The following LMBR1 variants were observed in gnomAD, a reference collection of about 807,000 sequenced individuals.
LMBR1 encodes the protein limb development membrane protein 1, also known as limb region 1 protein homolog.
LMBR1 carries 52 observed loss-of-function variants against 73.9 expected under a neutral mutation model. The observed-to-expected ratio is 0.70, with a 90% confidence interval of 0.56 to 0.89. LMBR1 has a LOEUF of 0.89. Among genes scored for constraint, LMBR1 ranks in the 40% least tolerant of loss-of-function variants. The pLI, the probability that LMBR1 is intolerant of heterozygous loss-of-function variation, is 0.00. For synonymous variants in LMBR1, 215 were observed against 209.4 expected (o/e 1.03, Z -0.23); for missense variants, 539 against 579.8 (o/e 0.93, Z 0.72).
intron 7 of LMBR1, among the ~76,000 whole-genome samples, chr7:156,762,846 A>AGTGTGT (rs35976164): frequency 0.056 from 8,279 of 148,582 alleles, 403 homozygotes; most frequent in East Asian, 0.22. Context: ...TGTGAGTGTG[A>AGTGTGT]GTGTGTGTGT....
chr7:156,815,325 G>A (rs959561742), intron 4 of LMBR1, among the ~76,000 whole-genome samples: 5 of 151,610 alleles, frequency 3.3e-5, no homozygotes, highest in African/African-American at 1.2e-4. Context: ...AATTTAACCA[G>A]CAAAACCTAT....
intron 1 of LMBR1, among the ~76,000 whole-genome samples, chr7:156,864,185 C>T (rs894570444): frequency 6.6e-6 from 1 of 152,012 alleles, no homozygotes; most frequent in Non-Finnish European, 1.5e-5. Context: ...ATAAAAATAG[C>T]TAGTGAAAAG....
intron 5 of LMBR1, among the ~76,000 whole-genome samples, chr7:156,783,547 A>G (rs888282726): frequency 1.3e-5 from 2 of 152,102 alleles, no homozygotes; most frequent in Admixed American, 1.3e-4. Context: ...CATTCGTTAG[A>G]TTTATTTCAA....
intron 10 of LMBR1, among the ~76,000 whole-genome samples, chr7:156,731,246 G>A (rs1343964620): frequency 1.3e-5 from 2 of 152,082 alleles, no homozygotes; most frequent in Non-Finnish European, 2.9e-5. Context: ...GAAGCATGAA[G>A]ATAAAAAGGA....
At position 156,728,707 on chromosome 7, in the gene LMBR1, CT is replaced by C; in HGVS notation, c.851del (p.Lys284ArgfsTer52). ...CCAAATTTCTTTCCCATGCTGAAGCCTTTTTTCGCCTCTCTATTAAAAGGAA... is the reference window on the plus strand; with the variant it reads ...CCAAATTTCTTTCCCATGCTGAAGCCTTTTTCGCCTCTCTATTAAAAGGAA... ...TLKTKLERRKKASAWERNLVY... is the reference protein window; with the variant it reads ...TLKTKLERRKXASAWERNLVY... On this transcript the variant is annotated frameshift_variant, in exon 11 of 17. Coordinates refer to ENST00000353442, the MANE Select transcript of LMBR1 (RefSeq NM_022458.4). LOFTEE classifies it high-confidence loss of function. 3.8e-6 allele frequency: 6 copies of C among 1,599,800 alleles called. No homozygotes were observed. Among genetic ancestry groups the C allele is most frequent in the East Asian group, 2.2e-5 (1 of 44,462 alleles).
Position 156,763,130 on chromosome 7 carries a change from C to A in LMBR1, c.597G>T (p.Leu199Phe). ...YLPYLYSCISLMGCLLLLLCT... is the reference protein window; with the variant it reads ...YLPYLYSCISFMGCLLLLLCT... ...TACAGAGAAGTAACAAACATCCCAT[C>A]AATGATATACAGGAATATAAATAGG... The change falls in exon 7 of 17, where the codon TTG becomes TTT. Residue 199 changes from leucine (L) to phenylalanine (F), a missense_variant. Physicochemically the swap from Leu to Phe is conservative, Grantham distance 22 (BLOSUM62 0). Coordinates refer to ENST00000353442, the MANE Select transcript of LMBR1 (RefSeq NM_022458.4). 1 of 1,404,468 alleles carries A rather than the reference C, an allele frequency of 7.1e-7. No individual in the cohort carries two copies. The highest frequency in any genetic ancestry group is 1.4e-5 in the African/African-American group (1 of 69,258). The allele number at this position is 1,404,468 out of a possible 1,614,324, so 87.0% of individuals were successfully genotyped here. A position where few individuals can be genotyped will look rare whatever the true frequency, so the allele number is the denominator to read the frequency against.
intron 5 of LMBR1, among the ~76,000 whole-genome samples, chr7:156,769,845 G>C (rs7791640): frequency 0.019 from 2,910 of 152,294 alleles, 94 homozygotes; most frequent in African/African-American, 0.066. Context: ...CTGTGGCCCA[G>C]AGGGAGCCAT....
intron 12 of LMBR1, 101 bp downstream of exon 12, chr7:156,727,829 T>C (rs1181668704): frequency 3.0e-5 from 20 of 672,234 alleles, no homozygotes; most frequent in Middle Eastern, 2.9e-4. Flanking sequence ...AGTATATACA[T>C]GCACAAAGGT....
intron 1 of LMBR1, among the ~76,000 whole-genome samples, chr7:156,858,072 CAAAAAAAA>C (rs764584626): frequency 3.4e-5 from 2 of 59,696 alleles, no homozygotes; most frequent in Admixed American, 3.7e-4. Context: ...CCAAAGTAAG[CAAAAAAAA>C]AAAAAAAAAG....
intron 16 of LMBR1, 113 bp from the exon 17 acceptor site, chr7:156,684,276 T>A: frequency 1.2e-6 from 1 of 838,540 alleles, no homozygotes; most frequent in East Asian, 2.5e-5. Context: ...TGGAAAGCTG[T>A]GAGGTGCTGG....
intron 5 of LMBR1, among the ~76,000 whole-genome samples, chr7:156,764,832 T>C (rs532320435): frequency 1.3e-5 from 2 of 152,314 alleles, no homozygotes; most frequent in African/African-American, 4.8e-5. Context: ...AAAGAAAACG[T>C]CCTAAAAGCA....
rs143985651 is a variant in LMBR1 at position 156,728,681 on chromosome 7, A to G, written c.878T>C (p.Val293Ala). 7 of 1,604,060 alleles carry G rather than the reference A, an allele frequency of 4.4e-6. No homozygotes were observed. The highest frequency in any genetic ancestry group is 5.9e-6 in the Non-Finnish European group (7 of 1,177,536). The change falls in exon 11 of 17, where the codon GTG (valine) becomes GCG (alanine). Residue 293 changes from valine (V) to alanine (A), a missense_variant. By Grantham distance (64) the Val-to-Ala change is moderately conservative. Around this residue, in one of 3 missense-constraint regions of LMBR1, gnomAD observed 454 missense variants for 473.4 expected, o/e 0.96. Transcript: ENST00000353442. ...AAGGAGAACCATAACAGCGGGATAC[A>G]CCAAATTTCTTTCCCATGCTGAAGC... ...KKASAWERNLVYPAVMVLLLI... is the reference protein window; with the variant it reads ...KKASAWERNLAYPAVMVLLLI...
At chr7:156,885,483 CT>C (rs1325461440) in intron 1 of LMBR1, among the ~76,000 whole-genome samples, 1 of 151,696 alleles carries the variant, frequency 6.6e-6, no homozygotes, top group East Asian at 2.0e-4. Flanking sequence ...GGCATGGTGG[CT>C]CACACCTCTA....
At chr7:156,701,395 T>C (rs1809646676) in intron 15 of LMBR1, among the ~76,000 whole-genome samples, 1 of 152,200 alleles carries the variant, frequency 6.6e-6, no homozygotes, top group South Asian at 2.1e-4. Context: ...ACATACATCA[T>C]CACAGATGCA....
chr7:156,786,153 G>A (rs780564902), intron 5 of LMBR1, among the ~76,000 whole-genome samples: 19 of 149,004 alleles, frequency 1.3e-4, no homozygotes, highest in Non-Finnish European at 2.1e-4. Flanking sequence ...GAATGAGGCC[G>A]GGAGGGAAGG....
intron 1 of LMBR1, among the ~76,000 whole-genome samples, chr7:156,840,681 C>T (rs111339105): frequency 0.067 from 10,148 of 151,576 alleles, 435 homozygotes; most frequent in African/African-American, 0.11. Context: ...AACTGGAGGC[C>T]GGGCGCGGTG....
rs1408694373 is a variant in LMBR1, at chr7:156,893,117, T to C, written c.-124A>G. Reference sequence around the variant, plus strand: ...AGCCGGCACGGGCCCGCGAGCCGTGTTGGAACAGGTACCGCGACCACGACA... The same window carrying C: ...AGCCGGCACGGGCCCGCGAGCCGTGCTGGAACAGGTACCGCGACCACGACA... On this transcript the variant is annotated 5_prime_UTR_variant, in exon 1 of 17. Transcript: ENST00000353442. 8.3e-6 allele frequency: 8 copies of C among 963,238 alleles called. No homozygotes were observed. Among genetic ancestry groups the C allele is most frequent in the Non-Finnish European group, 1.1e-5 (8 of 727,200 alleles). The allele number at this position is 963,238 out of a possible 1,614,324, so 59.7% of individuals were successfully genotyped here. A position where few individuals can be genotyped will look rare whatever the true frequency, so the allele number is the denominator to read the frequency against.
intron 5 of LMBR1, among the ~76,000 whole-genome samples, chr7:156,777,150 T>C (rs1412867519): frequency 2.0e-5 from 3 of 152,194 alleles, no homozygotes; most frequent in African/African-American, 4.8e-5. Flanking sequence ...TTAACCAGGA[T>C]GGTCTCGATC....
chr7:156,702,753 T>C (rs1396105171), intron 15 of LMBR1, among the ~76,000 whole-genome samples: 1 of 152,258 alleles, frequency 6.6e-6, no homozygotes, highest in Admixed American at 6.5e-5. Flanking sequence ...AAAATGTTTT[T>C]TGATATCTAC....
Sources: gnomAD v4.1 joint callset for allele counts (sites outside exome capture counted in the v4.1 genomes callset) on GRCh38, gnomAD v4.1.1 for gene constraint, gnomAD v4.1.1 regional missense constraint, MANE v1.5 for transcripts, NCBI Gene and HGNC (gene_info 2026-07-23, HGNC 2026-07-21) for gene names.